The following CNTNAP2 variants were observed in gnomAD, a reference collection of about 807,000 sequenced individuals.
The protein encoded by CNTNAP2 is contactin associated protein 2, also known as contactin-associated protein-like 2.
Under a neutral mutation model 155.2 loss-of-function variants are expected in CNTNAP2, and 98 were observed. The ratio of observed to expected loss-of-function variants is 0.63; its 90% CI spans 0.54 to 0.75. CNTNAP2 has a LOEUF of 0.75. CNTNAP2 is among the 30% of genes least tolerant of loss of function. The probability of loss-of-function intolerance (pLI) is 0.00; values close to 1 mark genes in which losing one functional copy is unlikely to be tolerated. For missense variants in CNTNAP2, 1,727 were observed against 1,688.1 expected (o/e 1.02, Z -0.40); for synonymous variants, 651 against 631.2 (o/e 1.03, Z -0.47).
intron 10 of CNTNAP2, among the ~76,000 whole-genome samples, chr7:147,483,581 C>T (rs751184616): frequency 2.1e-4 from 32 of 152,154 alleles, no homozygotes; most frequent in Non-Finnish European, 4.0e-4. Context: ...ACTACTTCCC[C>T]CGAATTAATT....
At chr7:146,409,623 G>C (rs1795838851) in intron 1 of CNTNAP2, among the ~76,000 whole-genome samples, 1 of 152,088 alleles carries the variant, frequency 6.6e-6, no homozygotes, top group South Asian at 2.1e-4. Context: ...ATATTTATAT[G>C]TTAAATTTGT....
At chr7:147,805,489 C>T (rs915321186) in intron 13 of CNTNAP2, among the ~76,000 whole-genome samples, 9 of 152,164 alleles carry the variant, frequency 5.9e-5, no homozygotes, top group African/African-American at 2.2e-4. Context: ...AAGTGGGCAT[C>T]CTTGTCTTGT....
At chr7:148,072,790 C>T (rs1803406369) in intron 15 of CNTNAP2, among the ~76,000 whole-genome samples, 1 of 152,198 alleles carries the variant, frequency 6.6e-6, no homozygotes, top group South Asian at 2.1e-4. Flanking sequence ...TCGCTGCAAC[C>T]TCCACCTCCC....
intron 15 of CNTNAP2, among the ~76,000 whole-genome samples, chr7:148,085,394 T>G (rs1291926285): frequency 2.0e-5 from 3 of 152,198 alleles, no homozygotes; most frequent in Non-Finnish European, 2.9e-5. Context: ...ACATAGCTTT[T>G]CAAAATAGTT....
chr7:147,028,852 G>A (rs778008215), intron 3 of CNTNAP2, among the ~76,000 whole-genome samples: 17 of 151,438 alleles, frequency 1.1e-4, no homozygotes, highest in Non-Finnish European at 2.9e-5. Flanking sequence ...AGAAAGTAGC[G>A]AGAACAGCAT....
At chr7:146,837,272 G>A (rs1479360744) in intron 2 of CNTNAP2, among the ~76,000 whole-genome samples, 2 of 151,888 alleles carry the variant, frequency 1.3e-5, no homozygotes, top group Non-Finnish European at 2.9e-5. Context: ...TCCTCTCTGA[G>A]CTTAATTTAG....
chr7:148,287,185 C>A (rs1797098240), intron 21 of CNTNAP2, among the ~76,000 whole-genome samples: 1 of 152,178 alleles, frequency 6.6e-6, no homozygotes, highest in South Asian at 2.1e-4. Flanking sequence ...ACAATATGTA[C>A]CCTTTTCAGA....
At position 147,141,162 on chromosome 7, in the gene CNTNAP2, G is replaced by A. The variant is rs533376978; in HGVS notation, c.1348+8653G>A. On this transcript the variant is annotated intron_variant, in intron 8 of 23. Transcript: ENST00000361727. ...GGTAAAGTCATTCTTCTGGTGACAC[G>A]AGTTCAAAACTTTGAGAAAAATCAA... Among the ~76,000 whole-genome samples, 13 of 152,182 alleles carry A rather than the reference G, an allele frequency of 8.5e-5. No individual in the cohort carries two copies. The East Asian group carries it at 2.1e-3, about 25-fold the overall frequency.
In CNTNAP2 at chr7:147,914,006, T is replaced by TA. The variant is rs754491017; in HGVS notation, c.2255+10293dup. Among the ~76,000 whole-genome samples, 271 of 151,296 alleles carry TA rather than the reference T, an allele frequency of 1.8e-3. 1 individual carries two copies. The highest frequency in any genetic ancestry group is 2.2e-3 in the African/African-American group (91 of 41,174). On this transcript the variant is annotated intron_variant, in intron 14 of 23. Coordinates refer to ENST00000361727, the MANE Select transcript of CNTNAP2 (RefSeq NM_014141.6). ...CTTCACCATATGGCATGTACCATCTTAAAAAAAATATATGTTCTAAGGTGG... is the reference window on the plus strand; with the variant it reads ...CTTCACCATATGGCATGTACCATCTTAAAAAAAAATATATGTTCTAAGGTGG...
chr7:146,982,698 C>T (rs955963811), intron 3 of CNTNAP2, among the ~76,000 whole-genome samples: 2 of 152,102 alleles, frequency 1.3e-5, no homozygotes, highest in African/African-American at 4.8e-5. Flanking sequence ...TGGCTTCATG[C>T]TTGATGCCTC....
At chr7:146,959,105 C>T (rs547560255) in intron 3 of CNTNAP2, among the ~76,000 whole-genome samples, 3 of 151,876 alleles carry the variant, frequency 2.0e-5, no homozygotes, top group South Asian at 2.1e-4. Context: ...CTGCAACCTC[C>T]GCCTTCCAGG....
rs568844560 is a variant in CNTNAP2 at position 146,777,930 on chromosome 7, TTA to T, written c.208+3555_208+3556del. Among the ~76,000 whole-genome samples, 44 of 152,190 alleles carry T rather than the reference TTA, an allele frequency of 2.9e-4. 1 individual carries two copies. The South Asian group carries it at 9.1e-3, about 32-fold the overall frequency. ...TTTTTTTTTTAAGTATAGCATGATG[TTA>T]TATATCTGGAAGATATAAAGAAGAC... On this transcript the variant is annotated intron_variant, in intron 2 of 23. Transcript: ENST00000361727.
At chr7:146,606,366 A>G (rs1464589680) in intron 1 of CNTNAP2, among the ~76,000 whole-genome samples, 3 of 152,230 alleles carry the variant, frequency 2.0e-5, no homozygotes, top group Non-Finnish European at 4.4e-5. Context: ...TAGTAGTCGT[A>G]GAATTTTACT....
intron 18 of CNTNAP2, among the ~76,000 whole-genome samples, chr7:148,200,380 T>C (rs991646704): frequency 1.3e-5 from 2 of 152,024 alleles, no homozygotes; most frequent in African/African-American, 4.8e-5. Context: ...GTGGGTCCCA[T>C]TACACTTCTT....
At chr7:148,250,458 T>A (rs1466555638) in intron 20 of CNTNAP2, among the ~76,000 whole-genome samples, 1 of 152,248 alleles carries the variant, frequency 6.6e-6, no homozygotes, top group Non-Finnish European at 1.5e-5. Flanking sequence ...AGGCACCTTA[T>A]GGGCACTTGA....
In CNTNAP2 at chr7:146,246,445, A is replaced by G. The variant is rs998596049; in HGVS notation, c.97+129472A>G. Among the ~76,000 whole-genome samples, 5 of 149,668 alleles carry G rather than the reference A, an allele frequency of 3.3e-5. 1 individual carries two copies. Among genetic ancestry groups the G allele is most frequent in the Admixed American group, 6.6e-5 (1 of 15,138 alleles). ...TTGGCATGAGAGTGGGGGTTTTAAGAGGTTTAGAAGCCTGGCCGTCAATAC... is the reference window on the plus strand; with the variant it reads ...TTGGCATGAGAGTGGGGGTTTTAAGGGGTTTAGAAGCCTGGCCGTCAATAC... On this transcript the variant is annotated intron_variant, in intron 1 of 23. Coordinates refer to ENST00000361727, the MANE Select transcript of CNTNAP2 (RefSeq NM_014141.6).
intron 21 of CNTNAP2, among the ~76,000 whole-genome samples, chr7:148,329,699 G>C (rs1265593589): frequency 3.9e-5 from 6 of 152,232 alleles, no homozygotes; most frequent in Admixed American, 2.6e-4. Flanking sequence ...AATATCAACA[G>C]TGACAGTCAG....
chr7:148,229,141 A>C (rs536887020), intron 19 of CNTNAP2, among the ~76,000 whole-genome samples: 2 of 152,210 alleles, frequency 1.3e-5, no homozygotes, highest in African/African-American at 2.4e-5. Context: ...TGGTGCTGTC[A>C]GCCGATATGG....
rs1800003428 is a variant in CNTNAP2, at chr7:148,416,778, T to C, written c.*1162T>C. 6.8e-6 allele frequency: 1 copy of C among 147,500 alleles called. No homozygotes were observed. Among genetic ancestry groups the C allele is most frequent in the Non-Finnish European group, 1.5e-5 (1 of 67,556 alleles). 9.1% of individuals were successfully genotyped at this position (147,500 alleles called of 1,614,324 possible). A position where few individuals can be genotyped will look rare whatever the true frequency, so the allele number is the denominator to read the frequency against. ...GTGTTTTTCCATCCAATCACACTGC[T>C]GTGATTCAGGGATCTTTCTTCTAAG... On this transcript the variant is annotated 3_prime_UTR_variant, in exon 24 of 24. Transcript: ENST00000361727.
Sources: allele counts gnomAD v4.1 joint callset (sites outside exome capture counted in the v4.1 genomes callset), GRCh38; gene constraint gnomAD v4.1.1; transcripts MANE v1.5; gene names NCBI Gene and HGNC (gene_info 2026-07-23, HGNC 2026-07-21).